Variants in PIK3R3 observed in about 807,000 individuals in gnomAD.
PIK3R3 encodes phosphoinositide-3-kinase regulatory subunit 3.
PIK3R3 carries 64 observed loss-of-function variants against 62.9 expected under a neutral mutation model. The ratio of observed to expected loss-of-function variants is 1.02; its 90% CI spans 0.83 to 1.25. PIK3R3 has a LOEUF of 1.25. Ranked by LOEUF, PIK3R3 falls within the 50% of genes most tolerant of loss-of-function variation. The probability of loss-of-function intolerance (pLI) is 0.00; values close to 1 mark genes in which losing one functional copy is unlikely to be tolerated. For synonymous variants in PIK3R3, 165 were observed against 189.0 expected (o/e 0.87, Z 1.04); for missense variants, 614 against 561.6 (o/e 1.09, Z -0.94).
At chr1:46,045,604 A>G (rs1339909636) in intron 9 of PIK3R3, among the ~76,000 whole-genome samples, 1 of 123,110 alleles carries the variant, frequency 8.1e-6, no homozygotes, top group African/African-American at 3.2e-5. Flanking sequence ...GGATACTACT[A>G]AACAATTAAG....
intron 2 of PIK3R3, among the ~76,000 whole-genome samples, chr1:46,079,972 A>G (rs1032146161): frequency 6.6e-6 from 1 of 151,296 alleles, no homozygotes; most frequent in African/African-American, 2.4e-5. Flanking sequence ...TAAATAATGA[A>G]GATTTTCTTG....
the PIK3R3 span, among the ~76,000 whole-genome samples, chr1:46,156,413 C>T: frequency 6.8e-6 from 1 of 147,434 alleles, no homozygotes; most frequent in African/African-American, 2.5e-5. Context: ...GAGCCAAGAT[C>T]GTGCCACTGT....
At chr1:46,159,086 C>CAAAAATAAATAA in the PIK3R3 span, among the ~76,000 whole-genome samples, 1 of 114,240 alleles carries the variant, frequency 8.8e-6, no homozygotes, top group South Asian at 4.1e-4. Flanking sequence ...GACTCCATCT[C>CAAAAATAAATAA]AAAAATAAAT....
intron 4 of PIK3R3, 57 bp from the exon 5 acceptor site, chr1:46,066,236 AG>A: frequency 8.2e-7 from 1 of 1,223,972 alleles, no homozygotes; most frequent in African/African-American, 1.5e-5. Context: ...ATGTGGAAAT[AG>A]ATTTTCCACA....
upstream of PIK3R3, among the ~76,000 whole-genome samples, chr1:46,137,571 A>G (rs2149485687): frequency 6.6e-6 from 1 of 152,118 alleles, no homozygotes; most frequent in East Asian, 1.9e-4. Flanking sequence ...AAAGTGGCAA[A>G]CTCCTACTTC....
chr1:46,115,316 A>C (rs1229794181), intron 1 of PIK3R3, among the ~76,000 whole-genome samples: 1 of 152,212 alleles, frequency 6.6e-6, no homozygotes, highest in Non-Finnish European at 1.5e-5. Flanking sequence ...TGTTTTAACT[A>C]ATTTGAGTTG....
intron 5 of PIK3R3, 40 bp downstream of exon 5, chr1:46,066,014 A>G (rs769292259): frequency 1.9e-6 from 3 of 1,577,314 alleles, no homozygotes; most frequent in Non-Finnish European, 2.6e-6. Flanking sequence ...TAACTAAAAC[A>G]TTGCACACAT....
chr1:46,168,203 A>G, the PIK3R3 span, among the ~76,000 whole-genome samples: 1 of 152,124 alleles, frequency 6.6e-6, no homozygotes, highest in African/African-American at 2.4e-5. Context: ...TACCTATGCT[A>G]TCTTCTGTGG....
intron 1 of PIK3R3, among the ~76,000 whole-genome samples, chr1:46,095,176 C>A (rs1455522311): frequency 6.6e-6 from 1 of 152,142 alleles, no homozygotes; most frequent in African/African-American, 2.4e-5. Context: ...AAGATACATG[C>A]ATGTGTATGT....
chr1:46,155,819 G>GA, the PIK3R3 span, among the ~76,000 whole-genome samples: 38 of 151,908 alleles, frequency 2.5e-4, no homozygotes, highest in Non-Finnish European at 4.4e-4. Context: ...TAACGATTGG[G>GA]AAAAAATCTC....
the PIK3R3 span, among the ~76,000 whole-genome samples, chr1:46,153,647 C>T: frequency 1.3e-5 from 2 of 152,170 alleles, no homozygotes; most frequent in African/African-American, 2.4e-5. Context: ...CAGACTTTTT[C>T]ATCTTGTTAG....
intron 1 of PIK3R3, among the ~76,000 whole-genome samples, chr1:46,091,000 T>C (rs1218607287): frequency 6.6e-6 from 1 of 152,156 alleles, no homozygotes; most frequent in African/African-American, 2.4e-5. Flanking sequence ...GTTTTTACTT[T>C]TTTTATTATT....
At chr1:46,162,000 G>A in the PIK3R3 span, among the ~76,000 whole-genome samples, 7 of 151,618 alleles carry the variant, frequency 4.6e-5, no homozygotes, top group Non-Finnish European at 8.8e-5. Context: ...GCTGAGGCAG[G>A]AGAATGGTGT....
At chr1:46,071,759 A>AGAGAGAGAGCGC (rs777668187) in intron 3 of PIK3R3, among the ~76,000 whole-genome samples, 2 of 100,126 alleles carry the variant, frequency 2.0e-5, no homozygotes, top group East Asian at 4.9e-4. Flanking sequence ...AGAGAGAGAG[A>AGAGAGAGAGCGC]GCGCGCGCCT....
Position 46,132,190 on chromosome 1 carries a change from TAC to T in PIK3R3, c.-240_-239del. On this transcript the variant is annotated 5_prime_UTR_variant, in exon 1 of 10. Transcript: ENST00000262741. Reference sequence around the variant, plus strand: ...CTATGGGCTTTTCTCCTCAGAGGATTACACAGAGGCTTGGGGGACGGAGAGCA... The same window carrying T: ...CTATGGGCTTTTCTCCTCAGAGGATTACAGAGGCTTGGGGGACGGAGAGCA... 1 of 1,283,106 alleles carries T rather than the reference TAC, an allele frequency of 7.8e-7. No individual in the cohort carries two copies. The highest frequency in any genetic ancestry group is 9.9e-7 in the Non-Finnish European group (1 of 1,009,130). 79.5% of individuals were successfully genotyped at this position (1,283,106 alleles called of 1,614,324 possible).
At chr1:46,113,045 T>C (rs1249417761) in intron 1 of PIK3R3, among the ~76,000 whole-genome samples, 1 of 152,200 alleles carries the variant, frequency 6.6e-6, no homozygotes, top group African/African-American at 2.4e-5. Context: ...AATCTTAGCC[T>C]TAGGCTTTCA....
chr1:46,102,840 CAG>C (rs1482488706), intron 1 of PIK3R3, among the ~76,000 whole-genome samples: 4 of 114,900 alleles, frequency 3.5e-5, no homozygotes, highest in African/African-American at 1.3e-4. Flanking sequence ...AACCTGAAAG[CAG>C]AGTCTCAAAG....
In PIK3R3 at chr1:46,043,694, C is replaced by G. The variant is rs780119419; in HGVS notation, c.1365G>C (p.Gln455His). 52 of 1,614,078 alleles carry G rather than the reference C, an allele frequency of 3.2e-5. No individual in the cohort carries two copies. Among genetic ancestry groups the G allele is most frequent in the Non-Finnish European group, 4.4e-5 (52 of 1,180,032 alleles). ...NVRLAYPVHA[Q>H]MPSLCR ...CTCTTTATCTGCAAAGCGAGGGCAT[C>G]TGTGCATGAACAGGGTAGGCAAGCC... The change falls in exon 10 of 10, where the codon CAG (glutamine) becomes CAC (histidine). Residue 455 changes from glutamine to histidine, a missense_variant. Physicochemically the swap from Gln to His is conservative, Grantham distance 24. Coordinates refer to ENST00000262741, the MANE Select transcript of PIK3R3 (RefSeq NM_003629.4).
At chr1:46,154,546 G>A in the PIK3R3 span, among the ~76,000 whole-genome samples, 3 of 152,140 alleles carry the variant, frequency 2.0e-5, no homozygotes, top group Non-Finnish European at 4.4e-5. Context: ...TCCAGCCTGG[G>A]TGACAGAGCA....
Sources: allele counts gnomAD v4.1 joint callset (sites outside exome capture counted in the v4.1 genomes callset), GRCh38; gene constraint gnomAD v4.1.1; transcripts MANE v1.5; gene names NCBI Gene and HGNC (gene_info 2026-07-23, HGNC 2026-07-21).